CELF2: variants seen among roughly 807,000 people sequenced by gnomAD.
CELF2 encodes the protein CUG triplet repeat RNA-binding protein 2.
Under a neutral mutation model 62.6 loss-of-function variants are expected in CELF2, and 8 were observed. The observed-to-expected ratio is 0.13, with a 90% CI of 0.07 to 0.23. The LOEUF (loss-of-function observed/expected upper bound fraction) is 0.23. Ranked by LOEUF, CELF2 falls within the 10% of genes least tolerant of loss-of-function variation. CELF2 has a pLI of 1.00. For synonymous variants in CELF2, 258 were observed against 250.0 expected (o/e 1.03, Z -0.30); for missense variants, 333 against 671.0 (o/e 0.50, Z 5.56).
At chr10:10,991,973 A>G (rs529854499) in intron 2 of CELF2, among the ~76,000 whole-genome samples, 45 of 152,338 alleles carry the variant, frequency 3.0e-4, no homozygotes, top group Non-Finnish European at 1.2e-4. Flanking sequence ...ATTATGCAAC[A>G]AACATTTATT....
At chr10:11,282,451 C>T (rs1263014962) in intron 8 of CELF2, among the ~76,000 whole-genome samples, 2 of 152,212 alleles carry the variant, frequency 1.3e-5, no homozygotes, top group East Asian at 3.9e-4. Context: ...GCCCACACCA[C>T]GTGGATGTGT....
rs961049166 is a variant in CELF2 at position 11,110,367 on chromosome 10, G to A, written c.75-55119G>A. 1.3e-5 allele frequency among the ~76,000 whole-genome samples: 2 copies of A among 152,114 alleles called. No individual in the cohort carries two copies. Among genetic ancestry groups the A allele is most frequent in the African/African-American group, 2.4e-5 (1 of 41,402 alleles). On this transcript the variant is annotated intron_variant, in intron 1 of 12. Coordinates refer to ENST00000633077, the MANE Select transcript of CELF2 (RefSeq NM_001326342.2). This position sits in a 1 kb window ranked among gnomAD's most constrained non-coding sequence, Gnocchi z 4.0. The stretch of plus-strand genomic sequence containing the variant: ...ATTTTCTGTGTGAGTATTCATCCCC[G>A]TCATTGAGTGGAACAGAAAAAATGT...
At chr10:10,819,708 A>AGCAGCTCTCCAAGATGTCG (rs2056796841) in intron 1 of CELF2, among the ~76,000 whole-genome samples, 2 of 152,102 alleles carry the variant, frequency 1.3e-5, no homozygotes, top group African/African-American at 4.8e-5. Context: ...CCAAGATGTC[A>AGCAGCTCTCCAAGATGTCG]AGCAGCTCTC....
the CELF2 span, among the ~76,000 whole-genome samples, chr10:10,465,558 T>C: frequency 6.6e-6 from 1 of 152,132 alleles, no homozygotes; most frequent in African/African-American, 2.4e-5. Flanking sequence ...GCTGTAATTT[T>C]TGTGTGTTTT....
the CELF2 span, among the ~76,000 whole-genome samples, chr10:10,541,040 G>C: frequency 2.0e-5 from 3 of 151,748 alleles, no homozygotes; most frequent in African/African-American, 7.3e-5. Flanking sequence ...TCAGGAGATC[G>C]AGACCATCCT....
In CELF2 at chr10:11,336,594, G is replaced by C. The variant is rs1232780668; in HGVS notation, c.*7541G>C. The C allele has an allele frequency of 3.3e-5, 5 of 152,566 alleles. No homozygotes were observed. The highest frequency in any genetic ancestry group is 7.4e-5 in the Non-Finnish European group (5 of 68,020). 9.5% of individuals were successfully genotyped at this position (152,566 alleles called of 1,614,324 possible). ...GGGTATTTTTGTTCTTTTAAGTCTT[G>C]AGTGATACAGGATATTTTTCATTAA... On this transcript the variant is annotated 3_prime_UTR_variant, in exon 13 of 13. Coordinates refer to ENST00000633077, the MANE Select transcript of CELF2 (RefSeq NM_001326342.2). This position sits in a 1 kb window ranked among gnomAD's most constrained non-coding sequence, Gnocchi z 5.4.
At chr10:10,843,079 G>T (rs1033033391) in intron 1 of CELF2, among the ~76,000 whole-genome samples, 3 of 152,024 alleles carry the variant, frequency 2.0e-5, no homozygotes, top group Admixed American at 6.6e-5. Flanking sequence ...TGTAGTTATA[G>T]GGTTGTTCAT....
chr10:11,081,977 A>C (rs2074146575), intron 1 of CELF2, among the ~76,000 whole-genome samples: 1 of 152,174 alleles, frequency 6.6e-6, no homozygotes, highest in Non-Finnish European at 1.5e-5. Context: ...ACCCTGGCCT[A>C]GTTTTCGTTC....
chr10:10,919,989 A>G (rs2064733871), exon 2 of CELF2: 2 of 1,231,592 alleles, frequency 1.6e-6, no homozygotes, highest in East Asian at 6.3e-5. Flanking sequence ...GTTAGCTGGG[A>G]GTCTACCAAG....
chr10:10,663,601 A>G, the CELF2 span, among the ~76,000 whole-genome samples: 1 of 152,206 alleles, frequency 6.6e-6, no homozygotes, highest in Non-Finnish European at 1.5e-5. Context: ...CTCAGAAGAG[A>G]GAGTAAAATT....
At chr10:11,084,052 G>A (rs1162299916) in intron 1 of CELF2, among the ~76,000 whole-genome samples, 1 of 152,104 alleles carries the variant, frequency 6.6e-6, no homozygotes, top group Non-Finnish European at 1.5e-5. Context: ...GGTCCCTGCT[G>A]GTTGCCAGTG....
intron 1 of CELF2, among the ~76,000 whole-genome samples, chr10:10,800,618 A>G (rs937924625): frequency 6.6e-6 from 1 of 152,076 alleles, no homozygotes; most frequent in Non-Finnish European, 1.5e-5. Flanking sequence ...GAAAATTTAG[A>G]TTGTTTCCAC....
At chr10:10,572,151 G>T in the CELF2 span, among the ~76,000 whole-genome samples, 13 of 152,004 alleles carry the variant, frequency 8.6e-5, no homozygotes, top group Non-Finnish European at 1.5e-4. Context: ...CTGCAGAATG[G>T]TTCTTTAAGA....
chr10:10,743,995 T>C, the CELF2 span, among the ~76,000 whole-genome samples: 2 of 152,218 alleles, frequency 1.3e-5, no homozygotes, highest in Non-Finnish European at 2.9e-5. Flanking sequence ...TTTTCTTCTT[T>C]ATGTTGTGTT....
chr10:11,027,911 A>C (rs964326347), intron 1 of CELF2, among the ~76,000 whole-genome samples: 1 of 152,192 alleles, frequency 6.6e-6, no homozygotes, highest in Non-Finnish European at 1.5e-5. Context: ...ATGACAACCT[A>C]AATATTTTAT....
the CELF2 span, among the ~76,000 whole-genome samples, chr10:10,528,113 A>G: frequency 6.6e-6 from 1 of 152,080 alleles, no homozygotes; most frequent in Non-Finnish European, 1.5e-5. Flanking sequence ...ATGTGCTTTC[A>G]ATTTACAGAT....
At position 11,242,029 on chromosome 10, in the gene CELF2, T is replaced by G. The variant is rs1490160058; in HGVS notation, c.355-7124T>G. Among the ~76,000 whole-genome samples the G allele has an allele frequency of 6.6e-6, 1 of 152,212 alleles. No homozygotes were observed. The highest frequency in any genetic ancestry group is 1.5e-5 in the Non-Finnish European group (1 of 68,030). ...TGAAAGAAAAATACCAGTGGGTCTT[T>G]ACTGGCCATAATATTTTCGTTTTCT... On this transcript the variant is annotated intron_variant, in intron 3 of 12. Coordinates refer to ENST00000633077, the MANE Select transcript of CELF2 (RefSeq NM_001326342.2). This position sits in a 1 kb window ranked among gnomAD's most constrained non-coding sequence, Gnocchi z 4.8.
intron 2 of CELF2, among the ~76,000 whole-genome samples, chr10:10,987,137 G>C (rs1406298809): frequency 6.6e-6 from 1 of 152,170 alleles, no homozygotes; most frequent in Non-Finnish European, 1.5e-5. Flanking sequence ...AAGGAAGAAA[G>C]TGAGATTGGT....
intron 1 of CELF2, among the ~76,000 whole-genome samples, chr10:11,087,897 C>T (rs1008809163): frequency 6.6e-6 from 1 of 152,284 alleles, no homozygotes; most frequent in Admixed American, 6.5e-5. Context: ...CCCAGGGCCT[C>T]GCATACTATA....
Sources: allele counts gnomAD v4.1 joint callset (sites outside exome capture counted in the v4.1 genomes callset), GRCh38; gene constraint gnomAD v4.1.1; non-coding constraint Gnocchi (gnomAD v3.1); transcripts MANE v1.5; gene names NCBI Gene and HGNC (gene_info 2026-07-23, HGNC 2026-07-21).